The following FBXW7 variants were observed in gnomAD, a reference collection of about 807,000 sequenced individuals.
FBXW7 encodes F-box/WD repeat-containing protein 7.
In FBXW7, 11 loss-of-function variants were observed where a neutral mutation model predicts 86.3. That is an observed-to-expected ratio of 0.13 (90% CI 0.08 to 0.21). The LOEUF is 0.21. Ranked by LOEUF, FBXW7 falls within the 10% of genes least tolerant of loss-of-function variation. The probability of loss-of-function intolerance (pLI) is 1.00; values close to 1 mark genes in which losing one functional copy is unlikely to be tolerated. For missense variants in FBXW7, 488 were observed against 847.4 expected, an observed-to-expected ratio of 0.58 and a Z score of 5.27; for synonymous variants, 313 against 297.9, an observed-to-expected ratio of 1.05 and a Z score of -0.52.
chr4:152,511,463 A>G (rs558688292), intron 2 of FBXW7, among the ~76,000 whole-genome samples: 8 of 152,302 alleles, frequency 5.3e-5, no homozygotes, highest in African/African-American at 1.9e-4. Context: ...ATGCTTAAAA[A>G]TATGGGTAAT....
intron 2 of FBXW7, among the ~76,000 whole-genome samples, chr4:152,443,992 G>A (rs1741139342): frequency 6.6e-6 from 1 of 152,006 alleles, no homozygotes; most frequent in East Asian, 1.9e-4. Flanking sequence ...TAAATTTGCT[G>A]TATTTCCTTC....
In FBXW7 at chr4:152,384,647, T is replaced by C. The variant is rs117290275; in HGVS notation, c.501+26656A>G. Among the ~76,000 whole-genome samples the C allele has an allele frequency of 9.0e-4, 137 of 152,190 alleles. No homozygotes were observed. The East Asian group carries it at 0.015, about 16-fold the overall frequency. ...AAATATATTTAGTGCCACTGAATTG[T>C]ATACTTAAACATGGTTAAAATATTA... On this transcript the variant is annotated intron_variant, in intron 4 of 13. Coordinates refer to ENST00000281708, the MANE Select transcript of FBXW7 (RefSeq NM_001349798.2).
At chr4:152,518,974 C>A (rs931514084) in intron 2 of FBXW7, among the ~76,000 whole-genome samples, 1 of 151,924 alleles carries the variant, frequency 6.6e-6, no homozygotes, top group Non-Finnish European at 1.5e-5. Flanking sequence ...ATTACAAACA[C>A]CAAATCAGCA....
intron 4 of FBXW7, among the ~76,000 whole-genome samples, chr4:152,390,937 T>G (rs1007004145): frequency 6.6e-6 from 1 of 151,912 alleles, no homozygotes; most frequent in Non-Finnish European, 1.5e-5. Context: ...TTATAAAAAT[T>G]TATCTTATGA....
At chr4:152,443,037 C>T (rs535676991) in intron 2 of FBXW7, among the ~76,000 whole-genome samples, 9 of 152,224 alleles carry the variant, frequency 5.9e-5, no homozygotes, top group African/African-American at 1.7e-4. Context: ...CCGAGGCAGG[C>T]GGATAACCTG....
chr4:152,334,555 T>TA (rs1355755301), intron 7 of FBXW7, among the ~76,000 whole-genome samples: 1 of 152,224 alleles, frequency 6.6e-6, no homozygotes, highest in Non-Finnish European at 1.5e-5. Context: ...TTTCGTTATC[T>TA]AACTGAAGTA....
rs1338105130 is a variant in FBXW7, at chr4:152,329,749, A to C, written c.1159T>G (p.Leu387Val). The change falls in exon 10 of 14, where the codon TTA (leucine) becomes GTA (valine). Residue 387 changes from leucine (L) to valine (V), a missense_variant. Coordinates refer to ENST00000281708, the MANE Select transcript of FBXW7 (RefSeq NM_001349798.2). ...ACTATTCGGTTACCACAAAACTGTA[A>C]GCATGTGATCACATGATCATCATGT... ...KGHDDHVITC[L>V]QFCGNRIVSG... 2 of 1,591,294 alleles carry C rather than the reference A, an allele frequency of 1.3e-6. No individual in the cohort carries two copies. Among genetic ancestry groups the C allele is most frequent in the Admixed American group, 1.8e-5 (1 of 55,868 alleles).
chr4:152,473,262 A>G (rs1744120323), intron 2 of FBXW7, among the ~76,000 whole-genome samples: 1 of 152,140 alleles, frequency 6.6e-6, no homozygotes, highest in Non-Finnish European at 1.5e-5. Flanking sequence ...CAAAAACAAA[A>G]GTCTTGCTAA....
intron 4 of FBXW7, among the ~76,000 whole-genome samples, chr4:152,362,650 C>T (rs1733083456): frequency 6.6e-6 from 1 of 151,694 alleles, no homozygotes; most frequent in Admixed American, 6.6e-5. Context: ...GATGGTGAAA[C>T]CCCGTCTCCA....
chr4:152,399,140 CTG>C (rs1432422789), intron 4 of FBXW7, among the ~76,000 whole-genome samples: 4 of 152,130 alleles, frequency 2.6e-5, no homozygotes, highest in African/African-American at 9.7e-5. Flanking sequence ...CAGGAGGACT[CTG>C]TGAAGATTCT....
chr4:152,382,213 T>C, intron 4 of FBXW7: 1 of 1,558,298 alleles, frequency 6.4e-7, no homozygotes, highest in Middle Eastern at 1.7e-4. Context: ...AAGGGAGGCC[T>C]TGGGCAATGA....
At chr4:152,402,638 C>G (rs1269858378) in intron 4 of FBXW7, among the ~76,000 whole-genome samples, 2 of 152,188 alleles carry the variant, frequency 1.3e-5, no homozygotes, top group Admixed American at 6.5e-5. Context: ...ATTACTTAAC[C>G]TCTCTTCACA....
intron 4 of FBXW7, among the ~76,000 whole-genome samples, chr4:152,364,655 A>G (rs9999126): frequency 0.072 from 10,892 of 152,202 alleles, 628 homozygotes; most frequent in African/African-American, 0.16. Flanking sequence ...ATGCTTTTCA[A>G]TATGTGGCTA....
intron 2 of FBXW7, among the ~76,000 whole-genome samples, chr4:152,484,613 T>C (rs1745180525): frequency 6.6e-6 from 1 of 152,168 alleles, no homozygotes; most frequent in African/African-American, 2.4e-5. Context: ...ATGGTAATTT[T>C]TTAAATTATT....
intron 2 of FBXW7, among the ~76,000 whole-genome samples, chr4:152,528,260 G>A (rs1429955141): frequency 3.3e-5 from 5 of 152,126 alleles, no homozygotes; most frequent in Non-Finnish European, 7.4e-5. Flanking sequence ...TAGAAAGAAA[G>A]GGCAAAGGTG....
At chr4:152,454,588 G>C (rs1252539316) in intron 2 of FBXW7, among the ~76,000 whole-genome samples, 4 of 151,948 alleles carry the variant, frequency 2.6e-5, no homozygotes, top group African/African-American at 9.7e-5. Flanking sequence ...GGGTGCAATA[G>C]CTCTGAAAGG....
At chr4:152,358,178 T>C (rs1216219892) in intron 4 of FBXW7, among the ~76,000 whole-genome samples, 2 of 152,016 alleles carry the variant, frequency 1.3e-5, no homozygotes, top group Non-Finnish European at 2.9e-5. Flanking sequence ...ACAGATATCA[T>C]GGAAAAAAAG....
chr4:152,348,295 T>G (rs1731465516), intron 5 of FBXW7, among the ~76,000 whole-genome samples: 1 of 152,100 alleles, frequency 6.6e-6, no homozygotes, highest in Non-Finnish European at 1.5e-5. Context: ...CTATCTTTTC[T>G]TCTTTCAAAT....
intron 4 of FBXW7, among the ~76,000 whole-genome samples, chr4:152,366,827 G>T (rs975053995): frequency 9.2e-5 from 14 of 152,170 alleles, no homozygotes; most frequent in Admixed American, 1.3e-4. Flanking sequence ...ACATGCACAC[G>T]TATGTTTATT....
Sources: gnomAD v4.1 joint callset for allele counts (sites outside exome capture counted in the v4.1 genomes callset) on GRCh38, gnomAD v4.1.1 for gene constraint, MANE v1.5 for transcripts, NCBI Gene and HGNC (gene_info 2026-07-23, HGNC 2026-07-21) for gene names.